RBM19: variants seen among roughly 807,000 people sequenced by gnomAD.
The protein encoded by RBM19 is probable RNA-binding protein 19.
Under a neutral mutation model 116.8 loss-of-function variants are expected in RBM19, and 94 were observed. That is an observed-to-expected ratio of 0.80 (90% confidence interval 0.68 to 0.95). The LOEUF is 0.95. Ranked by LOEUF, RBM19 falls within the 40% of genes least tolerant of loss-of-function variation. RBM19 has a pLI of 0.00. For synonymous variants in RBM19, 475 were observed against 494.1 expected (o/e 0.96, Z 0.51); for missense variants, 1,161 against 1,220.7 (o/e 0.95, Z 0.73).
rs1251804452 is a variant in RBM19, at chr12:113,898,648, G to T, written c.2558+16321C>A. Among the ~76,000 whole-genome samples the T allele has an allele frequency of 2.0e-5, 3 of 152,194 alleles. No individual in the cohort carries two copies. Among genetic ancestry groups the T allele is most frequent in the Non-Finnish European group, 1.5e-5 (1 of 68,042 alleles). ...ACTCAGAGAAGCAAGAGGTCTAATC[G>T]TGCTGAACCAGCAAATGAAGCCTTC... On this transcript the variant is annotated intron_variant, in intron 21 of 23. Transcript: ENST00000261741. This position sits in a 1 kb window ranked among gnomAD's most constrained non-coding sequence, Gnocchi z 4.3.
chr12:113,926,386 CT>C, intron 17 of RBM19, among the ~76,000 whole-genome samples: 1 of 152,340 alleles, frequency 6.6e-6, no homozygotes, highest in Admixed American at 6.5e-5. Flanking sequence ...GAAAAACCCA[CT>C]GAGTGTTTAT....
chr12:113,948,168 T>C (rs1871198792), intron 10 of RBM19, among the ~76,000 whole-genome samples: 1 of 152,204 alleles, frequency 6.6e-6, no homozygotes, highest in African/African-American at 2.4e-5. Flanking sequence ...CTCCACAACC[T>C]ACAGCTGGCC....
chr12:113,834,281 A>AATGG (rs1304882580), intron 23 of RBM19, among the ~76,000 whole-genome samples: 2 of 152,164 alleles, frequency 1.3e-5, no homozygotes, highest in African/African-American at 4.8e-5. Flanking sequence ...TGAATGAATG[A>AATGG]ATGGGGCCTC....
intron 21 of RBM19, among the ~76,000 whole-genome samples, chr12:113,861,256 C>CAGGAAGGCCCCATACGGGGTGGCT (rs1565981457): frequency 1.3e-5 from 2 of 152,206 alleles, no homozygotes; most frequent in Admixed American, 6.5e-5. Flanking sequence ...TGAGGTGAAG[C>CAGGAAGGCCCCATACGGGGTGGCT]AGGAAGGCCC....
chr12:113,885,689 T>A (rs1210911033), intron 21 of RBM19, among the ~76,000 whole-genome samples: 3 of 152,186 alleles, frequency 2.0e-5, no homozygotes, highest in Non-Finnish European at 4.4e-5. Context: ...TTCAAATGGT[T>A]CAGAAAAACC....
intron 17 of RBM19, among the ~76,000 whole-genome samples, chr12:113,925,536 G>A (rs893207807): frequency 3.3e-5 from 5 of 152,346 alleles, no homozygotes; most frequent in East Asian, 1.9e-4. Flanking sequence ...AAGGGGCAAA[G>A]CTGGGATCCA....
chr12:113,886,295 G>T (rs1055517048), intron 21 of RBM19, among the ~76,000 whole-genome samples: 6 of 152,044 alleles, frequency 3.9e-5, no homozygotes, highest in African/African-American at 1.4e-4. Flanking sequence ...ACCATGCCCG[G>T]CTAATTTTTA....
chr12:113,962,590 T>C (rs1872597665), intron 1 of RBM19, among the ~76,000 whole-genome samples, 176 bp from the exon 2 acceptor site: 1 of 152,232 alleles, frequency 6.6e-6, no homozygotes, highest in Non-Finnish European at 1.5e-5. Context: ...ACGAGTTGTG[T>C]GGCCTTGAGA....
rs549069295 is a variant in RBM19 at position 113,823,643 on chromosome 12, C to A, written c.2786-322G>T. Among the ~76,000 whole-genome samples the A allele has an allele frequency of 3.9e-5, 6 of 152,186 alleles. No individual in the cohort carries two copies. In the South Asian group the frequency reaches 1.0e-3, roughly 26 times the overall value. ...CATGGCGGGGCTGCCTCCCTCGCAC[C>A]CCCAGAAACTCTCCTGCTTCCCTGG... is the stretch of plus-strand genomic sequence containing the variant. On this transcript the variant is annotated intron_variant, in intron 23 of 23. Transcript: ENST00000261741.
intron 21 of RBM19, among the ~76,000 whole-genome samples, chr12:113,865,758 C>A (rs906604829): frequency 2.0e-5 from 3 of 151,498 alleles, no homozygotes; most frequent in African/African-American, 7.3e-5. Flanking sequence ...AGCATTTGGT[C>A]CTCAAGAATC....
At chr12:113,856,453 T>C (rs1877909944) in intron 22 of RBM19, among the ~76,000 whole-genome samples, 1 of 152,226 alleles carries the variant, frequency 6.6e-6, no homozygotes, top group African/African-American at 2.4e-5. Context: ...CAGCCCTGGT[T>C]GGACCCTCCA....
intron 5 of RBM19, 80 bp from the exon 6 acceptor site, chr12:113,958,130 C>T (rs1264899355): frequency 1.3e-6 from 2 of 1,526,496 alleles, no homozygotes; most frequent in African/African-American, 2.8e-5. Context: ...AGATGGTCCT[C>T]CTAGTGAGAG....
intron 11 of RBM19, 137 bp downstream of exon 11, chr12:113,947,197 C>T: frequency 1.7e-6 from 2 of 1,160,418 alleles, no homozygotes; most frequent in South Asian, 4.0e-5. Context: ...GAGGCAGTGA[C>T]TTAGCATGCC....
At position 113,829,647 on chromosome 12, in the gene RBM19, G is replaced by A. The variant is rs982418412; in HGVS notation, c.2786-6326C>T. On this transcript the variant is annotated intron_variant, in intron 23 of 23. Transcript: ENST00000261741. ...GGGCTCAGGGTGGACAGGACGAGGTGGGACCTGAGTGCTGCCACTTGGTGG... is the reference window on the plus strand; with the variant it reads ...GGGCTCAGGGTGGACAGGACGAGGTAGGACCTGAGTGCTGCCACTTGGTGG... 5.9e-5 allele frequency among the ~76,000 whole-genome samples: 9 copies of A among 152,236 alleles called. 1 individual carries two copies. The highest frequency in any genetic ancestry group is 2.2e-4 in the African/African-American group (9 of 41,454).
At chr12:113,952,473 T>G in intron 8 of RBM19, 39 bp downstream of exon 8, 2 of 1,561,328 alleles carry the variant, frequency 1.3e-6, no homozygotes, top group Non-Finnish European at 1.8e-6. Flanking sequence ...ATCTTCACTG[T>G]CTACCCGCCT....
intron 21 of RBM19, among the ~76,000 whole-genome samples, chr12:113,862,881 G>A (rs181014826): frequency 8.7e-4 from 133 of 152,182 alleles, no homozygotes; most frequent in African/African-American, 3.2e-3. Flanking sequence ...CTCACACTTC[G>A]GTAACAAACT....
rs967568439 is a variant in RBM19 at position 113,952,647 on chromosome 12, G to A, written c.922-57C>T. 7.7e-5 allele frequency: 107 copies of A among 1,384,522 alleles called. No homozygotes were observed. In the Middle Eastern group the frequency reaches 1.4e-3, roughly 18 times the overall value. The allele number at this position is 1,384,522 out of a possible 1,614,324, so 85.8% of individuals were successfully genotyped here. A position where few individuals can be genotyped will look rare whatever the true frequency, so the allele number is the denominator to read the frequency against. ...CCACATAATAAAAGTACAACCCAACGAAAAGACATGGGGCAAATTTCTAAA... is the reference window on the plus strand; with the variant it reads ...CCACATAATAAAAGTACAACCCAACAAAAAGACATGGGGCAAATTTCTAAA... On this transcript the variant is annotated intron_variant, in intron 7 of 23. Transcript: ENST00000261741.
At chr12:113,878,500 C>T (rs924067078) in intron 21 of RBM19, among the ~76,000 whole-genome samples, 5 of 152,184 alleles carry the variant, frequency 3.3e-5, no homozygotes, top group African/African-American at 1.2e-4. Context: ...CTGAACCTGG[C>T]ATCGGCCATC....
At position 113,947,379 on chromosome 12, in the gene RBM19, C is replaced by T. The variant is rs1190383757; in HGVS notation, c.1362G>A (p.Glu454=). The T allele has an allele frequency of 3.1e-6, 5 of 1,610,890 alleles. No homozygotes were observed. The African/African-American group carries it at 6.7e-5, about 22-fold the overall frequency. The change falls in exon 11 of 24, where the codon GAG becomes GAA. Residue 454 remains glutamate, a synonymous_variant. Coordinates refer to ENST00000261741, the MANE Select transcript of RBM19 (RefSeq NM_016196.4). The part of the protein sequence containing the change: ...GFAFITFMFP[E]HAVKAYSEVD... Reference sequence around the variant, plus strand: ...CCTCCGAGTAGGCCTTCACAGCGTGCTCAGGGAACATGAAGGTGATGAATG... The same window carrying T: ...CCTCCGAGTAGGCCTTCACAGCGTGTTCAGGGAACATGAAGGTGATGAATG...
Sources: allele counts gnomAD v4.1 joint callset (sites outside exome capture counted in the v4.1 genomes callset), GRCh38; gene constraint gnomAD v4.1.1; non-coding constraint Gnocchi (gnomAD v3.1); transcripts MANE v1.5; gene names NCBI Gene and HGNC (gene_info 2026-07-23, HGNC 2026-07-21).